The following GRID2 variants were observed in gnomAD, a reference collection of about 807,000 sequenced individuals.
GRID2 encodes glutamate receptor ionotropic, delta-2.
Under a neutral mutation model 114.8 loss-of-function variants are expected in GRID2, and 33 were observed. That is an observed-to-expected ratio of 0.29 (90% CI 0.22 to 0.38). The LOEUF (loss-of-function observed/expected upper bound fraction) is 0.38. Ranked by LOEUF, GRID2 falls within the 10% of genes least tolerant of loss-of-function variation. GRID2 has a pLI of 1.00. For synonymous variants in GRID2, 505 were observed against 449.9 expected, an observed-to-expected ratio of 1.12 and a Z score of -1.55; for missense variants, 1,184 against 1,257.7, an observed-to-expected ratio of 0.94 and a Z score of 0.89.
chr4:93,218,304 A>G (rs1472354982), intron 6 of GRID2, among the ~76,000 whole-genome samples: 2 of 151,990 alleles, frequency 1.3e-5, no homozygotes, highest in Non-Finnish European at 2.9e-5. Flanking sequence ...GTTTGAGACC[A>G]GCCTGGGCAG....
At chr4:93,736,748 G>A (rs754769222) in intron 14 of GRID2, among the ~76,000 whole-genome samples, 6 of 151,112 alleles carry the variant, frequency 4.0e-5, no homozygotes, top group Non-Finnish European at 7.4e-5. Flanking sequence ...ATTTTTTTTA[G>A]TAGTTTAGGA....
At position 92,937,039 on chromosome 4, in the gene GRID2, C is replaced by G. The variant is rs572053884; in HGVS notation, c.245-147956C>G. On this transcript the variant is annotated intron_variant, in intron 2 of 15. Transcript: ENST00000282020. ...CACTTTTTAAAATAACTGTTTTTCT[C>G]TGTTGTTGACTTGTGAAAGTTCTTT... is the stretch of plus-strand genomic sequence containing the variant. 3.0e-4 allele frequency among the ~76,000 whole-genome samples: 44 copies of G among 146,198 alleles called. 8 individuals are homozygous for G. In the East Asian group the frequency reaches 9.6e-3, roughly 32 times the overall value.
chr4:93,700,561 A>C (rs1727422504), intron 14 of GRID2, among the ~76,000 whole-genome samples: 1 of 152,168 alleles, frequency 6.6e-6, no homozygotes. Flanking sequence ...CAAAGGTTTG[A>C]TTATATTTCT....
At chr4:93,717,310 T>G (rs1277046886) in intron 14 of GRID2, among the ~76,000 whole-genome samples, 1 of 152,090 alleles carries the variant, frequency 6.6e-6, no homozygotes, top group East Asian at 1.9e-4. Flanking sequence ...TTAAAGTTGG[T>G]TTTTTATTGT....
At chr4:92,827,969 T>G (rs2149395252) in intron 2 of GRID2, among the ~76,000 whole-genome samples, 1 of 152,184 alleles carries the variant, frequency 6.6e-6, no homozygotes, top group South Asian at 2.1e-4. Flanking sequence ...AATGTCAAAA[T>G]ATATCTCCAC....
chr4:93,005,692 AC>A (rs1721442767), intron 2 of GRID2, among the ~76,000 whole-genome samples: 1 of 152,106 alleles, frequency 6.6e-6, no homozygotes, highest in Non-Finnish European at 1.5e-5. Flanking sequence ...CATAGTATAT[AC>A]ATGCAATGGA....
rs145278192 is a variant in GRID2, at chr4:92,579,716, C to T, written c.89-10415C>T. 7.5e-3 allele frequency among the ~76,000 whole-genome samples: 1,145 copies of T among 151,682 alleles called. 10 individuals are homozygous for T. Among genetic ancestry groups the T allele is most frequent in the Non-Finnish European group, 0.01 (697 of 67,754 alleles). ...CTACAAAAATGATAAAGTTTAAAAACATTATTTCTTTTTTCTTAGTATGAA... is the reference window on the plus strand; with the variant it reads ...CTACAAAAATGATAAAGTTTAAAAATATTATTTCTTTTTTCTTAGTATGAA... On this transcript the variant is annotated intron_variant, in intron 1 of 15. Coordinates refer to ENST00000282020, the MANE Select transcript of GRID2 (RefSeq NM_001510.4).
intron 1 of GRID2, among the ~76,000 whole-genome samples, chr4:92,477,751 ATATT>A (rs993866608): frequency 3.4e-5 from 5 of 147,958 alleles, no homozygotes; most frequent in African/African-American, 9.8e-5. Flanking sequence ...ATATGTTTAT[ATATT>A]TATATATCCT....
In GRID2 at chr4:93,772,257, C is replaced by T; in HGVS notation, c.2783C>T (p.Thr928Ile). 6.2e-7 allele frequency: 1 copy of T among 1,614,044 alleles called. No homozygotes were observed. The highest frequency in any genetic ancestry group is 8.5e-7 in the Non-Finnish European group (1 of 1,179,924). Residue 928 changes from threonine (T) to isoleucine (I), a missense_variant, in exon 16 of 16, where the codon ACC (threonine) becomes ATC (isoleucine). Thr to Ile is a moderately conservative substitution (Grantham distance 89, BLOSUM62 -1). Coordinates refer to ENST00000282020, the MANE Select transcript of GRID2 (RefSeq NM_001510.4). ...QISDFRNTHITTTTFIPEQIQ... is the reference protein window; with the variant it reads ...QISDFRNTHIITTTFIPEQIQ... ...AGTGATTTCAGGAACACTCATATTA[C>T]CACAACAACCTTTATCCCAGAGCAG...
At chr4:92,511,195 G>A (rs1406824064) in intron 1 of GRID2, among the ~76,000 whole-genome samples, 2 of 151,854 alleles carry the variant, frequency 1.3e-5, no homozygotes, top group African/African-American at 2.4e-5. Context: ...AATCATGGCA[G>A]AAGGTGAAGA....
At chr4:93,289,337 G>C (rs982768253) in intron 8 of GRID2, among the ~76,000 whole-genome samples, 1 of 151,856 alleles carries the variant, frequency 6.6e-6, no homozygotes, top group Admixed American at 6.6e-5. Flanking sequence ...TTTTTTTTAA[G>C]AGACTGGATT....
intron 1 of GRID2, among the ~76,000 whole-genome samples, chr4:92,537,656 C>T (rs1042272480): frequency 3.3e-5 from 5 of 152,046 alleles, no homozygotes; most frequent in African/African-American, 9.7e-5. Context: ...GTTCTGCAAG[C>T]AATTCTAAAT....
chr4:92,723,398 A>G lies in GRID2; in HGVS notation c.244+133112A>G, dbSNP rs978079014. On this transcript the variant is annotated intron_variant, in intron 2 of 15. Coordinates refer to ENST00000282020, the MANE Select transcript of GRID2 (RefSeq NM_001510.4). ...CATCTGTCAAACTGTGTTTGATGAC[A>G]GTATATGTTGTAAGAGTTGTGTAAT... 3.3e-5 allele frequency among the ~76,000 whole-genome samples: 5 copies of G among 152,298 alleles called. No homozygotes were observed. The South Asian group carries it at 1.0e-3, about 32-fold the overall frequency.
At position 92,388,061 on chromosome 4, in the gene GRID2, T is replaced by C. The variant is rs547031595; in HGVS notation, c.88+83317T>C. ...AAATTTTTGTTACCGTTGTTGGACA[T>C]AATATTTTACATTTCCTACCAGCAC... On this transcript the variant is annotated intron_variant, in intron 1 of 15. Coordinates refer to ENST00000282020, the MANE Select transcript of GRID2 (RefSeq NM_001510.4). Among the ~76,000 whole-genome samples, 5 of 152,142 alleles carry C rather than the reference T, an allele frequency of 3.3e-5. No homozygotes were observed. The East Asian group carries it at 9.7e-4, about 29-fold the overall frequency.
intron 2 of GRID2, among the ~76,000 whole-genome samples, chr4:92,839,052 T>C (rs987594108): frequency 6.6e-6 from 1 of 152,078 alleles, no homozygotes; most frequent in Non-Finnish European, 1.5e-5. Flanking sequence ...TGCTTATGAA[T>C]TGGTGTGTCT....
chr4:93,157,471 C>T (rs1262081622), intron 4 of GRID2, among the ~76,000 whole-genome samples: 1 of 151,664 alleles, frequency 6.6e-6, no homozygotes, highest in African/African-American at 2.4e-5. Context: ...AATATGAGAG[C>T]ATGTAACTCA....
At chr4:92,575,939 A>T (rs967343419) in intron 1 of GRID2, among the ~76,000 whole-genome samples, 3 of 152,164 alleles carry the variant, frequency 2.0e-5, no homozygotes, top group Non-Finnish European at 4.4e-5. Flanking sequence ...GAAGGAGTGG[A>T]TCAGGGTCCC....
At chr4:92,557,496 T>G (rs10032254) in intron 1 of GRID2, among the ~76,000 whole-genome samples, 5,703 of 151,264 alleles carry the variant, frequency 0.038, 345 homozygotes, top group African/African-American at 0.13. Context: ...CATATATTTT[T>G]TCTTCTAAAA....
At chr4:92,636,057 G>C (rs1731048382) in intron 2 of GRID2, among the ~76,000 whole-genome samples, 1 of 151,962 alleles carries the variant, frequency 6.6e-6, no homozygotes, top group African/African-American at 2.4e-5. Context: ...TCTTTTATCA[G>C]GTATTATACA....
Sources: allele counts gnomAD v4.1 joint callset (sites outside exome capture counted in the v4.1 genomes callset), GRCh38; gene constraint gnomAD v4.1.1; transcripts MANE v1.5; gene names NCBI Gene and HGNC (gene_info 2026-07-23, HGNC 2026-07-21).